Variants in ELP4 observed in about 807,000 individuals in gnomAD.
ELP4 encodes elongator acetyltransferase complex subunit 4, also known as elongator complex protein 4.
A neutral mutation model predicts 48.9 loss-of-function variants in ELP4; 51 were observed. That is an observed-to-expected ratio of 1.04 (90% CI 0.83 to 1.32). The LOEUF (loss-of-function observed/expected upper bound fraction) is 1.32. Among genes scored for constraint, ELP4 ranks in the 40% most tolerant of loss-of-function variants. The pLI is 0.00. For synonymous variants in ELP4, 210 were observed against 189.2 expected, an observed-to-expected ratio of 1.11 and a Z score of -0.90; for missense variants, 519 against 514.6, an observed-to-expected ratio of 1.01 and a Z score of -0.08.
At chr11:31,756,749 T>C (rs917585415) in intron 9 of ELP4, among the ~76,000 whole-genome samples, 2 of 152,236 alleles carry the variant, frequency 1.3e-5, no homozygotes, top group Non-Finnish European at 2.9e-5. Flanking sequence ...AAAAAAGTTT[T>C]CCCTGCTTTT....
intron 4 of ELP4, among the ~76,000 whole-genome samples, chr11:31,597,753 G>A (rs760102330): frequency 1.3e-5 from 2 of 151,468 alleles, no homozygotes; most frequent in Non-Finnish European, 2.9e-5. Flanking sequence ...TGTATTTTTC[G>A]TAGAGATGGC....
At chr11:31,601,081 ATTGATAATAGT>A (rs1329215991) in intron 4 of ELP4, among the ~76,000 whole-genome samples, 1 of 152,156 alleles carries the variant, frequency 6.6e-6, no homozygotes, top group African/African-American at 2.4e-5. Flanking sequence ...CTGACTAGTT[ATTGATAATAGT>A]TTGATATTTT....
At chr11:31,589,604 A>T (rs913666725) in intron 3 of ELP4, among the ~76,000 whole-genome samples, 3 of 152,224 alleles carry the variant, frequency 2.0e-5, no homozygotes, top group Admixed American at 2.0e-4. Flanking sequence ...CTATGTCAAG[A>T]TCTGGGCAAT....
rs1044642897 is a variant in ELP4, at chr11:31,762,596, C to T, written c.1144-20797C>T. Among the ~76,000 whole-genome samples, 14 of 151,882 alleles carry T rather than the reference C, an allele frequency of 9.2e-5. No homozygotes were observed. In the East Asian group the frequency reaches 2.1e-3, roughly 23 times the overall value. On this transcript the variant is annotated intron_variant, in intron 9 of 9. Coordinates refer to ENST00000640961, the MANE Select transcript of ELP4 (RefSeq NM_019040.5). ...GCATTTTGATAGACAAATGTATGTTCTTCCTGTAGATTACAGTCATTTTTA... is the reference window on the plus strand; with the variant it reads ...GCATTTTGATAGACAAATGTATGTTTTTCCTGTAGATTACAGTCATTTTTA...
At chr11:31,775,508 T>C (rs1021772688) in intron 9 of ELP4, among the ~76,000 whole-genome samples, 1 of 152,180 alleles carries the variant, frequency 6.6e-6, no homozygotes, top group Non-Finnish European at 1.5e-5. Context: ...GGACAGGGAA[T>C]TCTGAGGTTA....
At chr11:31,745,222 T>C (rs1947557590) in intron 9 of ELP4, among the ~76,000 whole-genome samples, 2 of 152,102 alleles carry the variant, frequency 1.3e-5, no homozygotes, top group Admixed American at 1.3e-4. Context: ...TACAAACCAC[T>C]GCTCAATGAA....
At chr11:31,682,004 G>T in intron 9 of ELP4, 1 of 1,234,962 alleles carries the variant, frequency 8.1e-7, no homozygotes, top group South Asian at 1.3e-5. Flanking sequence ...GCCTCCCAAA[G>T]TGCTGGAATT....
rs1339303738 is a variant in ELP4, at chr11:31,518,888, T to G, written c.224-1168T>G. Among the ~76,000 whole-genome samples, 8 of 133,292 alleles carry G rather than the reference T, an allele frequency of 6.0e-5. 1 individual carries two copies. The Admixed American group carries it at 6.2e-4, about 10-fold the overall frequency. 87.4% of individuals were successfully genotyped at this position (133,292 alleles called of 152,430 possible). ...TCTAGCCTGGGTGACAGAGTGAGAC[T>G]CTGTCTCAAAAAAAAAAAAAAAAAA... On this transcript the variant is annotated intron_variant, in intron 1 of 9. Coordinates refer to ENST00000640961, the MANE Select transcript of ELP4 (RefSeq NM_019040.5).
intron 3 of ELP4, among the ~76,000 whole-genome samples, chr11:31,567,371 A>AT (rs1387869936): frequency 6.6e-6 from 1 of 152,224 alleles, no homozygotes; most frequent in African/African-American, 2.4e-5. Flanking sequence ...AAAAGCCAGG[A>AT]TTTTTATTAT....
In ELP4 at chr11:31,680,978, A is replaced by C. The variant is rs561777926; in HGVS notation, c.1143+30757A>C. ...TATGAATTAGCTGACGTATCAAAAA[A>C]AGATAAAGTGTGATCATACCTTTAT... On this transcript the variant is annotated intron_variant, in intron 9 of 9. Coordinates refer to ENST00000640961, the MANE Select transcript of ELP4 (RefSeq NM_019040.5). 2.0e-5 allele frequency among the ~76,000 whole-genome samples: 3 copies of C among 152,326 alleles called. No homozygotes were observed. The East Asian group carries it at 5.8e-4, about 29-fold the overall frequency.
intron 9 of ELP4, among the ~76,000 whole-genome samples, chr11:31,665,960 C>A (rs1007865611): frequency 2.7e-5 from 4 of 148,270 alleles, no homozygotes; most frequent in African/African-American, 1.0e-4. Flanking sequence ...CAGCCTAATT[C>A]TCTCACTTTA....
chr11:31,644,399 T>C (rs1027879694), intron 7 of ELP4, among the ~76,000 whole-genome samples: 4 of 151,834 alleles, frequency 2.6e-5, no homozygotes, highest in African/African-American at 9.7e-5. Context: ...TTTCTATCTA[T>C]TAATATATAC....
At chr11:31,742,005 T>G (rs1947464857) in intron 9 of ELP4, among the ~76,000 whole-genome samples, 1 of 151,738 alleles carries the variant, frequency 6.6e-6, no homozygotes, top group African/African-American at 2.4e-5. Context: ...TGAAAAAAAA[T>G]TAGATGAATG....
intron 5 of ELP4, among the ~76,000 whole-genome samples, chr11:31,623,551 A>AC (rs1944672038): frequency 6.7e-6 from 1 of 149,866 alleles, no homozygotes; most frequent in Non-Finnish European, 1.5e-5. Context: ...GATTTATTGC[A>AC]TTTTATTTTG....
At chr11:31,555,981 C>G (rs1439356873) in intron 3 of ELP4, among the ~76,000 whole-genome samples, 1 of 151,808 alleles carries the variant, frequency 6.6e-6, no homozygotes, top group African/African-American at 2.4e-5. Flanking sequence ...TTTCTAGAAC[C>G]TATAACCAAC....
At chr11:31,764,182 A>T (rs1948000921) in intron 9 of ELP4, among the ~76,000 whole-genome samples, 1 of 152,160 alleles carries the variant, frequency 6.6e-6, no homozygotes, top group Non-Finnish European at 1.5e-5. Context: ...TGTCTATTTT[A>T]TACCTAGGTG....
At chr11:31,758,670 C>CT (rs35783140) in intron 9 of ELP4, among the ~76,000 whole-genome samples, 78,502 of 140,620 alleles carry the variant, frequency 0.56, 24,569 homozygotes, top group Non-Finnish European at 0.7. Flanking sequence ...GAGGGTGGAA[C>CT]TTTTTTTTTT....
chr11:31,622,312 T>G (rs866029623), intron 5 of ELP4, among the ~76,000 whole-genome samples: 3 of 151,888 alleles, frequency 2.0e-5, no homozygotes, highest in Middle Eastern at 3.4e-3. Flanking sequence ...TTGTATATTG[T>G]TCTTTACTCA....
intron 4 of ELP4, among the ~76,000 whole-genome samples, chr11:31,596,383 G>A (rs556931020): frequency 4.6e-5 from 7 of 152,218 alleles, no homozygotes; most frequent in Middle Eastern, 3.4e-3. Flanking sequence ...CAGCCTGGGC[G>A]ACAGAGCAGG....
Sources: gnomAD v4.1 joint callset for allele counts (sites outside exome capture counted in the v4.1 genomes callset) on GRCh38, gnomAD v4.1.1 for gene constraint, MANE v1.5 for transcripts, NCBI Gene and HGNC (gene_info 2026-07-23, HGNC 2026-07-21) for gene names.